TCF7L1: variants seen among roughly 807,000 people sequenced by gnomAD.
TCF7L1 encodes the protein transcription factor 7 like 1, also known as transcription factor 7-like 1.
In TCF7L1, 18 loss-of-function variants were observed where a neutral mutation model predicts 63.7. The observed-to-expected ratio is 0.28, with a 90% CI of 0.20 to 0.42. The LOEUF is 0.42. Ranked by LOEUF, TCF7L1 falls within the 10% of genes least tolerant of loss-of-function variation. The pLI is 1.00. For missense variants in TCF7L1, 654 were observed against 779.3 expected (o/e 0.84, Z 1.91); for synonymous variants, 355 against 340.9 (o/e 1.04, Z -0.46).
chr2:85,250,965 C>CA (rs1680574218), intron 3 of TCF7L1, among the ~76,000 whole-genome samples: 1 of 151,988 alleles, frequency 6.6e-6, no homozygotes, highest in East Asian at 1.9e-4. Flanking sequence ...GACTGAGCAG[C>CA]AAAAAGGTGT....
At chr2:85,182,982 C>T (rs1217502695) in intron 3 of TCF7L1, among the ~76,000 whole-genome samples, 1 of 152,210 alleles carries the variant, frequency 6.6e-6, no homozygotes, top group African/African-American at 2.4e-5. Flanking sequence ...AGAATCCCCG[C>T]TCTAGGGCTT....
intron 3 of TCF7L1, among the ~76,000 whole-genome samples, chr2:85,215,917 G>A (rs1325697905): frequency 6.6e-6 from 1 of 152,160 alleles, no homozygotes; most frequent in East Asian, 1.9e-4. Flanking sequence ...AAGTTCAGCC[G>A]AAGGAATCCG....
At chr2:85,243,574 A>T (rs1260478338) in intron 3 of TCF7L1, among the ~76,000 whole-genome samples, 1 of 152,040 alleles carries the variant, frequency 6.6e-6, no homozygotes, top group Non-Finnish European at 1.5e-5. Flanking sequence ...ACAGCATAAG[A>T]GGTGCTAGAA....
intron 3 of TCF7L1, among the ~76,000 whole-genome samples, chr2:85,203,724 A>C (rs1394763558): frequency 6.6e-6 from 1 of 151,374 alleles, no homozygotes; most frequent in Non-Finnish European, 1.5e-5. Context: ...GTGAGACCCT[A>C]TCTCAAAAAA....
chr2:85,289,990 T>C (rs1466788923), intron 4 of TCF7L1, among the ~76,000 whole-genome samples: 1 of 147,016 alleles, frequency 6.8e-6, no homozygotes, highest in Non-Finnish European at 1.5e-5. Context: ...TTTTTTTTTT[T>C]TCTCCGAGAC....
At chr2:85,154,293 T>C (rs17762406) in intron 3 of TCF7L1, among the ~76,000 whole-genome samples, 12,503 of 152,308 alleles carry the variant, frequency 0.082, 632 homozygotes, top group Middle Eastern at 0.15. Flanking sequence ...TCCAGTTATA[T>C]GAACAAGAGC....
At chr2:85,142,201 C>G (rs1444471073) in intron 3 of TCF7L1, among the ~76,000 whole-genome samples, 2 of 152,052 alleles carry the variant, frequency 1.3e-5, no homozygotes, top group African/African-American at 4.8e-5. Flanking sequence ...CCAAGGCGGG[C>G]AGATTGCTTG....
At chr2:85,183,992 G>A (rs1678860065) in intron 3 of TCF7L1, among the ~76,000 whole-genome samples, 1 of 152,200 alleles carries the variant, frequency 6.6e-6, no homozygotes, top group African/African-American at 2.4e-5. Flanking sequence ...GTAAAGTTGG[G>A]TCGTGGTTGT....
At chr2:85,184,442 G>A (rs938431512) in intron 3 of TCF7L1, among the ~76,000 whole-genome samples, 1 of 152,116 alleles carries the variant, frequency 6.6e-6, no homozygotes, top group African/African-American at 2.4e-5. Context: ...TTCAGATTGG[G>A]TATTGGAGGA....
chr2:85,286,530 T>C (rs1240207077), intron 4 of TCF7L1, among the ~76,000 whole-genome samples: 1 of 151,994 alleles, frequency 6.6e-6, no homozygotes, highest in Non-Finnish European at 1.5e-5. Flanking sequence ...AGTTTTGCTC[T>C]TGTTGCTCAG....
chr2:85,275,832 A>T (rs1489108627), intron 3 of TCF7L1, among the ~76,000 whole-genome samples: 1 of 147,592 alleles, frequency 6.8e-6, no homozygotes, highest in Non-Finnish European at 1.5e-5. Context: ...AGATGGGAGG[A>T]TTGCCTGAGC....
At chr2:85,234,110 A>ATTTCTTTTCTTT (rs1402042275) in intron 3 of TCF7L1, among the ~76,000 whole-genome samples, 6 of 68,750 alleles carry the variant, frequency 8.7e-5, no homozygotes, top group Admixed American at 6.9e-4. Flanking sequence ...TGCTTTTTTC[A>ATTTCTTTTCTTT]TTTCTTTTCT....
intron 3 of TCF7L1, among the ~76,000 whole-genome samples, chr2:85,151,125 T>A (rs72838202): frequency 0.027 from 4,048 of 152,300 alleles, 85 homozygotes; most frequent in Non-Finnish European, 0.036. Context: ...GGATCAAAGA[T>A]GATTTATCAA....
At chr2:85,148,797 G>A (rs1436554568) in intron 3 of TCF7L1, among the ~76,000 whole-genome samples, 2 of 120,418 alleles carry the variant, frequency 1.7e-5, no homozygotes, top group African/African-American at 6.4e-5. Flanking sequence ...TTTTTGAGAC[G>A]GAGTTTTGCT....
rs1022824487 is a variant in TCF7L1 at position 85,183,407 on chromosome 2, C to A, written c.441+48957C>A. ...CTAGTCCAAGCTTTATATCCTAGGC[C>A]TAGGGAAGAATGCGTCAGACAGTAG... On this transcript the variant is annotated intron_variant, in intron 3 of 11. Transcript: ENST00000282111. 1.3e-5 allele frequency among the ~76,000 whole-genome samples: 2 copies of A among 152,114 alleles called. 1 individual carries two copies. Among genetic ancestry groups the A allele is most frequent in the East Asian group, 3.9e-4 (2 of 5,188 alleles).
chr2:85,226,259 A>G (rs1679951292), intron 3 of TCF7L1, among the ~76,000 whole-genome samples: 1 of 152,224 alleles, frequency 6.6e-6, no homozygotes, highest in Non-Finnish European at 1.5e-5. Flanking sequence ...TGTCTCTGCC[A>G]GGCTTTGGTA....
At chr2:85,283,049 G>A (rs1681456851) in intron 3 of TCF7L1, among the ~76,000 whole-genome samples, 1 of 152,056 alleles carries the variant, frequency 6.6e-6, no homozygotes, top group African/African-American at 2.4e-5. Context: ...GTTTCGTAGG[G>A]AGCATTGTGT....
At chr2:85,148,860 G>GC (rs1007876529) in intron 3 of TCF7L1, among the ~76,000 whole-genome samples, 7 of 141,644 alleles carry the variant, frequency 4.9e-5, no homozygotes, top group African/African-American at 7.9e-5. Context: ...TGCAACCTCT[G>GC]CCCCCCCAGG....
intron 3 of TCF7L1, among the ~76,000 whole-genome samples, chr2:85,230,582 G>A (rs1456405979): frequency 1.3e-5 from 2 of 152,104 alleles, no homozygotes; most frequent in Non-Finnish European, 2.9e-5. Context: ...TTATCCACTC[G>A]TCTCAGCCTC....
Sources: allele counts gnomAD v4.1 joint callset (sites outside exome capture counted in the v4.1 genomes callset), GRCh38; gene constraint gnomAD v4.1.1; transcripts MANE v1.5; gene names NCBI Gene and HGNC (gene_info 2026-07-23, HGNC 2026-07-21).